FGD5: variants seen among roughly 807,000 people sequenced by gnomAD.
FGD5 encodes FYVE, RhoGEF and PH domain-containing protein 5.
A neutral mutation model predicts 133.4 loss-of-function variants in FGD5; 28 were observed. The observed-to-expected ratio is 0.21, with a 90% confidence interval of 0.16 to 0.29. FGD5 has a LOEUF of 0.29. FGD5 is among the 10% of genes least tolerant of loss of function. FGD5 has a pLI of 1.00. For missense variants in FGD5, 1,858 were observed against 1,895.2 expected (o/e 0.98, Z 0.36); for synonymous variants, 810 against 776.5 (o/e 1.04, Z -0.72).
intron 5 of FGD5, 128 bp downstream of exon 5, chr3:14,897,797 G>C (rs2038164807): frequency 1.4e-6 from 2 of 1,454,646 alleles, no homozygotes; most frequent in Non-Finnish European, 9.2e-7. Flanking sequence ...GAAGTGTTAA[G>C]TCATTTGCTC....
At chr3:14,890,075 T>TCTCAGC (rs1406942062) in intron 4 of FGD5, among the ~76,000 whole-genome samples, 2 of 152,144 alleles carry the variant, frequency 1.3e-5, no homozygotes, top group African/African-American at 2.4e-5. Context: ...TTCAGTATAT[T>TCTCAGC]CTCAGCGTTA....
chr3:14,839,698 C>T (rs922413945), intron 1 of FGD5, among the ~76,000 whole-genome samples: 18 of 152,024 alleles, frequency 1.2e-4, no homozygotes, highest in South Asian at 2.1e-4. Flanking sequence ...TTTGGGAGGC[C>T]GAGGCGGGTG....
At chr3:14,913,192 C>T (rs1419094564) in intron 11 of FGD5, among the ~76,000 whole-genome samples, 1 of 152,150 alleles carries the variant, frequency 6.6e-6, no homozygotes, top group Non-Finnish European at 1.5e-5. Flanking sequence ...AGTCTCCCCC[C>T]AGGAAAGTGG....
rs558218295 is a variant in FGD5, at chr3:14,919,867, TC to T, written c.3569+1036del. 2.0e-4 allele frequency among the ~76,000 whole-genome samples: 31 copies of T among 152,242 alleles called. No homozygotes were observed. In the East Asian group the frequency reaches 6.0e-3, roughly 29 times the overall value. ...GGGCACTAATCTCATTCGTGAGGGC[TC>T]CACACCCATGGCCTCATCACCTCCC... On this transcript the variant is annotated intron_variant, in intron 13 of 19. Coordinates refer to ENST00000285046, the MANE Select transcript of FGD5 (RefSeq NM_152536.4).
intron 1 of FGD5, among the ~76,000 whole-genome samples, chr3:14,825,543 A>G (rs2036584236): frequency 1.3e-5 from 2 of 152,118 alleles, no homozygotes; most frequent in Non-Finnish European, 2.9e-5. Flanking sequence ...CCAGCTGCTC[A>G]GGAGGTTGAG....
chr3:14,841,212 C>G (rs1344835524), intron 1 of FGD5, among the ~76,000 whole-genome samples: 1 of 152,198 alleles, frequency 6.6e-6, no homozygotes, highest in African/African-American at 2.4e-5. Flanking sequence ...GGCTGCCTGG[C>G]CATCCTGCTC....
intron 1 of FGD5, among the ~76,000 whole-genome samples, chr3:14,828,631 C>T (rs912014520): frequency 6.6e-6 from 1 of 152,036 alleles, no homozygotes; most frequent in Non-Finnish European, 1.5e-5. Flanking sequence ...CTGTGCTGTT[C>T]TAGGTAGTAG....
At chr3:14,912,065 C>T (rs1186892845) in intron 11 of FGD5, among the ~76,000 whole-genome samples, 1 of 151,982 alleles carries the variant, frequency 6.6e-6, no homozygotes, top group Non-Finnish European at 1.5e-5. Flanking sequence ...CTGTGAGCCT[C>T]AAGAAGTCTT....
In FGD5 at chr3:14,917,220, G is replaced by T; in HGVS notation, c.3406-29G>T. 6.2e-7 allele frequency: 1 copy of T among 1,602,024 alleles called. No homozygotes were observed. The highest frequency in any genetic ancestry group is 2.2e-5 in the East Asian group (1 of 44,534). ...CCTGGCGCAGCCTTCTGGGGCCAGG[G>T]TCCTCTCATAGGGTTTCCCTCTCTC... On this transcript the variant is annotated intron_variant, in intron 11 of 19. Transcript: ENST00000285046. The surrounding 1 kb of genome is among the most constrained non-coding windows in gnomAD (Gnocchi z 4.1).
rs185707311 is a variant in FGD5, at chr3:14,847,812, A to G, written c.2526-16316A>G. On this transcript the variant is annotated intron_variant, in intron 1 of 19. Transcript: ENST00000285046. ...GTCAGCAGATGAGGCGCTGAGGTGT[A>G]GAGATGAGCAAGTCATAACCCTGCC... Among the ~76,000 whole-genome samples the G allele has an allele frequency of 9.8e-4, 150 of 152,346 alleles. 1 individual carries two copies. In the East Asian group the frequency reaches 0.02, roughly 21 times the overall value.
chr3:14,903,032 G>A (rs1190693513), intron 9 of FGD5, among the ~76,000 whole-genome samples: 1 of 152,208 alleles, frequency 6.6e-6, no homozygotes, highest in Admixed American at 6.5e-5. Flanking sequence ...GCCCATGCCT[G>A]CTTGGATTGG....
rs78872303 is a variant in FGD5 at position 14,866,931 on chromosome 3, G to T, written c.2658+2671G>T. Among the ~76,000 whole-genome samples the T allele has an allele frequency of 8.5e-5, 13 of 152,264 alleles. No individual in the cohort carries two copies. In the South Asian group the frequency reaches 2.5e-3, roughly 29 times the overall value. On this transcript the variant is annotated intron_variant, in intron 2 of 19. Coordinates refer to ENST00000285046, the MANE Select transcript of FGD5 (RefSeq NM_152536.4). ...ATCCGGTCATCCCAAGAGCAGGGAG[G>T]GGGTGGGTGAGTCTAGGCTCATCTT...
At position 14,897,571 on chromosome 3, in the gene FGD5, G is replaced by A. The variant is rs1158129408; in HGVS notation, c.2811G>A (p.Leu937=). 1 of 1,604,954 alleles carries A rather than the reference G, an allele frequency of 6.2e-7. No individual in the cohort carries two copies. The highest frequency in any genetic ancestry group is 8.5e-7 in the Non-Finnish European group (1 of 1,175,776). The stretch of plus-strand genomic sequence containing the variant: ...TGGACCATGAAGGCAGAGACACATT[G>A]GCCCGGGAGGAGCTGAGGCAGGGCC... ...DDMDHEGRDT[L]AREELRQGLS... Residue 937 remains leucine (L), a synonymous_variant, in exon 5 of 20, where the codon TTG becomes TTA. Coordinates refer to ENST00000285046, the MANE Select transcript of FGD5 (RefSeq NM_152536.4).
At chr3:14,864,886 T>C (rs78260030) in intron 2 of FGD5, among the ~76,000 whole-genome samples, 14,171 of 152,224 alleles carry the variant, frequency 0.093, 824 homozygotes, top group East Asian at 0.3. Flanking sequence ...GGCCTTCACC[T>C]ACTCACTGAC....
At chr3:14,856,759 T>C (rs2037287840) in intron 1 of FGD5, among the ~76,000 whole-genome samples, 1 of 152,202 alleles carries the variant, frequency 6.6e-6, no homozygotes, top group Non-Finnish European at 1.5e-5. Flanking sequence ...TTTACTGAGT[T>C]TATCAGCTCT....
chr3:14,857,867 T>A (rs952935152), intron 1 of FGD5, among the ~76,000 whole-genome samples: 4 of 152,184 alleles, frequency 2.6e-5, no homozygotes, highest in African/African-American at 7.2e-5. Flanking sequence ...GTTGCATTAT[T>A]TCAATGAATC....
At chr3:14,900,308 C>T (rs559118619) in intron 7 of FGD5, 95 bp from the exon 8 acceptor site, 1 of 1,283,064 alleles carries the variant, frequency 7.8e-7, no homozygotes. Context: ...ATGCTTCATT[C>T]TTCCAACTCT....
chr3:14,882,309 A>G (rs903330264), intron 4 of FGD5: 2 of 985,094 alleles, frequency 2.0e-6, no homozygotes, highest in Non-Finnish European at 1.2e-6. Context: ...ACTTGCATCT[A>G]TGTTTGCCCT....
chr3:14,918,639 C>T (rs2038609496), intron 12 of FGD5, 115 bp from the exon 13 acceptor site: 3 of 1,010,180 alleles, frequency 3.0e-6, no homozygotes, highest in Middle Eastern at 2.9e-4. Flanking sequence ...TGCCCTGAGG[C>T]TAGAGAACGG....
Sources: gnomAD v4.1 joint callset for allele counts (sites outside exome capture counted in the v4.1 genomes callset) on GRCh38, gnomAD v4.1.1 for gene constraint, Gnocchi (gnomAD v3.1) non-coding constraint, MANE v1.5 for transcripts, NCBI Gene and HGNC (gene_info 2026-07-23, HGNC 2026-07-21) for gene names.